UPP2: variants seen among roughly 807,000 people sequenced by gnomAD.
UPP2 encodes UPase 2.
Under a neutral mutation model 26.7 loss-of-function variants are expected in UPP2, and 23 were observed. The observed-to-expected ratio is 0.86, with a 90% CI of 0.62 to 1.22. The LOEUF is 1.22. UPP2 is among the 50% of genes most tolerant of loss of function. UPP2 has a pLI of 0.00. For missense variants in UPP2, 387 were observed against 396.7 expected (o/e 0.98, Z 0.21); for synonymous variants, 127 against 141.3 (o/e 0.90, Z 0.72).
At chr2:158,000,491 GTTGCTCTTC>G (rs1683388407) in intron 2 of UPP2, among the ~76,000 whole-genome samples, 3 of 152,204 alleles carry the variant, frequency 2.0e-5, no homozygotes, top group African/African-American at 7.2e-5. Flanking sequence ...TGTGCTCACT[GTTGCTCTTC>G]CTCCATCTAT....
chr2:158,065,896 C>T, intron 3 of UPP2: 1 of 605,670 alleles, frequency 1.7e-6, no homozygotes, highest in Non-Finnish European at 3.1e-6. Flanking sequence ...GTTGCCCTAG[C>T]ATTAATTGAA....
intron 3 of UPP2, among the ~76,000 whole-genome samples, chr2:158,027,108 A>G (rs536366279): frequency 1.3e-5 from 2 of 152,036 alleles, no homozygotes; most frequent in African/African-American, 4.8e-5. Context: ...GCTCCTCCAA[A>G]TCTCATGTCC....
chr2:158,064,936 A>G (rs1682411344), intron 3 of UPP2, among the ~76,000 whole-genome samples: 1 of 152,012 alleles, frequency 6.6e-6, no homozygotes, highest in African/African-American at 2.4e-5. Flanking sequence ...GTTCTATTCC[A>G]TTGGTCTATA....
intron 1 of UPP2, among the ~76,000 whole-genome samples, chr2:158,103,065 A>G (rs529900257): frequency 3.3e-5 from 5 of 152,332 alleles, no homozygotes; most frequent in Admixed American, 1.3e-4. Context: ...ATATAAACCT[A>G]TTTAGTAAAA....
intron 2 of UPP2, among the ~76,000 whole-genome samples, chr2:158,114,311 T>C (rs1381631340): frequency 6.6e-6 from 1 of 152,176 alleles, no homozygotes; most frequent in Non-Finnish European, 1.5e-5. Context: ...CCCGTAGTGC[T>C]TCTCTGCTCC....
intron 3 of UPP2, among the ~76,000 whole-genome samples, chr2:158,057,311 G>C (rs1039070433): frequency 6.6e-6 from 1 of 152,060 alleles, no homozygotes; most frequent in East Asian, 1.9e-4. Context: ...TTAGGCTCCT[G>C]CTCTTCAGGG....
chr2:158,109,315 C>G (rs1381262121), intron 2 of UPP2, among the ~76,000 whole-genome samples: 1 of 152,038 alleles, frequency 6.6e-6, no homozygotes, highest in South Asian at 2.1e-4. Context: ...CATATTCTTA[C>G]CATATTTAAA....
At chr2:158,009,281 C>T (rs760044485) in intron 2 of UPP2, among the ~76,000 whole-genome samples, 5 of 151,860 alleles carry the variant, frequency 3.3e-5, no homozygotes, top group African/African-American at 1.2e-4. Context: ...CTGCTTTGTC[C>T]TTGAATTCTT....
chr2:157,997,588 G>A (rs1683340551), intron 2 of UPP2, among the ~76,000 whole-genome samples: 1 of 152,138 alleles, frequency 6.6e-6, no homozygotes. Flanking sequence ...TGATTATGGG[G>A]AAGATGCCAC....
At chr2:157,995,288 C>A (rs749220959) in intron 2 of UPP2, 51 of 1,608,088 alleles carry the variant, frequency 3.2e-5, no homozygotes, top group Non-Finnish European at 4.3e-5. Context: ...GAAATACATT[C>A]ATGTCTAAGC....
At chr2:158,106,574 G>A (rs930438083) in intron 2 of UPP2, among the ~76,000 whole-genome samples, 8 of 151,970 alleles carry the variant, frequency 5.3e-5, no homozygotes, top group East Asian at 1.9e-4. Context: ...ACTAGTTCTC[G>A]TTTTATTAAC....
intron 3 of UPP2, among the ~76,000 whole-genome samples, chr2:158,077,544 A>C (rs951121521): frequency 6.6e-6 from 1 of 152,104 alleles, no homozygotes; most frequent in African/African-American, 2.4e-5. Flanking sequence ...CATTGATGAC[A>C]AGACAGTCTC....
intron 3 of UPP2, among the ~76,000 whole-genome samples, chr2:158,070,846 G>A (rs1368469415): frequency 1.3e-5 from 2 of 152,212 alleles, no homozygotes; most frequent in Admixed American, 6.5e-5. Context: ...GGCATGGAGA[G>A]GGAATCTGAG....
At chr2:158,057,708 T>C (rs1682268973) in intron 3 of UPP2, among the ~76,000 whole-genome samples, 1 of 152,126 alleles carries the variant, frequency 6.6e-6, no homozygotes. Context: ...ATTTTTATTA[T>C]TAAGTATAGT....
At chr2:158,036,545 G>T (rs1324424760) in intron 3 of UPP2, among the ~76,000 whole-genome samples, 3 of 152,190 alleles carry the variant, frequency 2.0e-5, no homozygotes, top group Non-Finnish European at 4.4e-5. Context: ...ATAGCCAGTG[G>T]TGCCATTTTA....
chr2:158,046,609 G>A (rs1032970731), intron 3 of UPP2, among the ~76,000 whole-genome samples: 9 of 152,154 alleles, frequency 5.9e-5, no homozygotes, highest in Non-Finnish European at 2.9e-5. Flanking sequence ...TATGGTTAAC[G>A]TTATGACCAA....
intron 2 of UPP2, among the ~76,000 whole-genome samples, chr2:158,112,951 G>C (rs985812827): frequency 3.3e-5 from 5 of 152,152 alleles, no homozygotes; most frequent in Non-Finnish European, 7.4e-5. Flanking sequence ...TGATCATTTT[G>C]TTTGAGACAT....
At chr2:158,030,049 C>T (rs1432328705) in intron 3 of UPP2, among the ~76,000 whole-genome samples, 3 of 152,022 alleles carry the variant, frequency 2.0e-5, no homozygotes, top group African/African-American at 7.2e-5. Flanking sequence ...AATGGGAACC[C>T]CTACTGTTAG....
At chr2:158,044,222 A>G (rs908840929) in intron 3 of UPP2, among the ~76,000 whole-genome samples, 4 of 152,180 alleles carry the variant, frequency 2.6e-5, no homozygotes, top group Non-Finnish European at 5.9e-5. Flanking sequence ...AAAATGAGAG[A>G]GCAAGCACAG....
Sources: allele counts gnomAD v4.1 joint callset (sites outside exome capture counted in the v4.1 genomes callset), GRCh38; gene constraint gnomAD v4.1.1; transcripts MANE v1.5; gene names NCBI Gene and HGNC (gene_info 2026-07-23, HGNC 2026-07-21).